KATNIP: variants seen among roughly 807,000 people sequenced by gnomAD.
The protein encoded by KATNIP is katanin interacting protein, also known as katanin-interacting protein.
KATNIP carries 126 observed loss-of-function variants against 174.0 expected under a neutral mutation model. The observed-to-expected ratio is 0.72, with a 90% CI of 0.63 to 0.84. KATNIP has a LOEUF of 0.84. KATNIP is among the 40% of genes least tolerant of loss of function. The pLI, the probability that KATNIP is intolerant of heterozygous loss-of-function variation, is 0.00. For synonymous variants in KATNIP, 810 were observed against 835.7 expected (o/e 0.97, Z 0.53); for missense variants, 1,958 against 2,109.7 (o/e 0.93, Z 1.41).
In KATNIP at chr16:27,736,492, C is replaced by T. The variant is rs187103730; in HGVS notation, c.1744-3549C>T. ...AGAGGGGACCGATGAGGTGGGGCTG[C>T]CCTAGAGGTGTGTTCACTGAAGGTC... is the stretch of plus-strand genomic sequence containing the variant. On this transcript the variant is annotated intron_variant, in intron 14 of 27. Transcript: ENST00000261588. 2.0e-5 allele frequency among the ~76,000 whole-genome samples: 3 copies of T among 152,306 alleles called. No individual in the cohort carries two copies. In the East Asian group the frequency reaches 5.8e-4, roughly 29 times the overall value.
At chr16:27,743,401 C>T (rs2081177498) in intron 15 of KATNIP, among the ~76,000 whole-genome samples, 1 of 152,158 alleles carries the variant, frequency 6.6e-6, no homozygotes, top group African/African-American at 2.4e-5. Flanking sequence ...CCTCAGACTC[C>T]AAGTGTTATC....
intron 2 of KATNIP, 165 bp downstream of exon 2, chr16:27,574,121 GTCACTTGTAATAA>G (rs548300888): frequency 3.4e-4 from 206 of 611,678 alleles, no homozygotes; most frequent in East Asian, 1.3e-3. Context: ...CCAACCCAGT[GTCACTTGTAATAA>G]TCACTTGTAA....
chr16:27,650,559 C>T (rs2077092189), intron 6 of KATNIP, among the ~76,000 whole-genome samples: 1 of 152,236 alleles, frequency 6.6e-6, no homozygotes, highest in African/African-American at 2.4e-5. Context: ...TCAGTGACGT[C>T]ACCGCAAAGG....
intron 6 of KATNIP, among the ~76,000 whole-genome samples, chr16:27,672,554 A>G (rs1046915140): frequency 6.6e-6 from 1 of 152,224 alleles, no homozygotes; most frequent in African/African-American, 2.4e-5. Flanking sequence ...ACCTAAGCAC[A>G]TGAGCATGCA....
At chr16:27,645,109 G>A (rs1181966210) in intron 5 of KATNIP, among the ~76,000 whole-genome samples, 1 of 152,182 alleles carries the variant, frequency 6.6e-6, no homozygotes, top group African/African-American at 2.4e-5. Flanking sequence ...CAGTTTCTCT[G>A]GTTCACTACC....
In KATNIP at chr16:27,766,480, C is replaced by T; in HGVS notation, c.3975+6C>T. 6.2e-7 allele frequency: 1 copy of T among 1,609,492 alleles called. No individual in the cohort carries two copies. Among genetic ancestry groups the T allele is most frequent in the Non-Finnish European group, 8.5e-7 (1 of 1,179,318 alleles). ...CCGAGGACACCTATCGCGGGGTAAG[C>T]TGGGGAGCAGTGGCCGTGCTCAGTC... On this transcript the variant is annotated splice_donor_region_variant and intron_variant, in intron 20 of 27. Coordinates refer to ENST00000261588, the MANE Select transcript of KATNIP (RefSeq NM_015202.5).
intron 22 of KATNIP, among the ~76,000 whole-genome samples, chr16:27,772,668 C>A (rs1446821469): frequency 6.6e-6 from 1 of 152,248 alleles, no homozygotes; most frequent in Non-Finnish European, 1.5e-5. Context: ...GTACTCTGTT[C>A]TTGTCATTTC....
intron 1 of KATNIP, among the ~76,000 whole-genome samples, chr16:27,558,365 G>A (rs1193096473): frequency 6.6e-6 from 1 of 152,002 alleles, no homozygotes; most frequent in African/African-American, 2.4e-5. Flanking sequence ...GGCTGGTTTC[G>A]AACTCCTGAC....
intron 2 of KATNIP, among the ~76,000 whole-genome samples, chr16:27,614,133 AG>A (rs928283882): frequency 3.3e-5 from 5 of 150,766 alleles, no homozygotes; most frequent in Admixed American, 1.3e-4. Context: ...GCTGGAGTGC[AG>A]TGGTGCTATC....
At chr16:27,759,937 GTTT>G (rs779234745) in intron 18 of KATNIP, among the ~76,000 whole-genome samples, 12 of 152,170 alleles carry the variant, frequency 7.9e-5, no homozygotes, top group Non-Finnish European at 1.6e-4. Context: ...CTGGCCACAT[GTTT>G]TTTTCATCTG....
intron 2 of KATNIP, among the ~76,000 whole-genome samples, chr16:27,617,016 A>G (rs1314794928): frequency 6.6e-6 from 1 of 151,712 alleles, no homozygotes; most frequent in African/African-American, 2.4e-5. Flanking sequence ...AGATATATAT[A>G]TCAAATTACA....
At chr16:27,717,308 CG>C (rs1321226759) in intron 13 of KATNIP, among the ~76,000 whole-genome samples, 3 of 152,136 alleles carry the variant, frequency 2.0e-5, no homozygotes, top group Non-Finnish European at 2.9e-5. Flanking sequence ...CTGAGGGCAG[CG>C]CAGTATCTCC....
At chr16:27,669,667 T>G (rs2142627580) in intron 6 of KATNIP, among the ~76,000 whole-genome samples, 1 of 152,206 alleles carries the variant, frequency 6.6e-6, no homozygotes, top group East Asian at 1.9e-4. Context: ...TGCTCCTTAG[T>G]TTGTCTCCCC....
intron 12 of KATNIP, among the ~76,000 whole-genome samples, chr16:27,707,952 A>G (rs1280703995): frequency 6.6e-6 from 1 of 151,810 alleles, no homozygotes; most frequent in Non-Finnish European, 1.5e-5. Context: ...CTCCAAATAC[A>G]GTCATATTCT....
intron 21 of KATNIP, 144 bp from the exon 22 acceptor site, chr16:27,771,444 G>A: frequency 1.5e-6 from 1 of 676,128 alleles, no homozygotes; most frequent in Non-Finnish European, 2.5e-6. Flanking sequence ...CACACGAGCA[G>A]GGGCCTCATC....
chr16:27,563,789 C>T (rs2089978825), intron 1 of KATNIP, among the ~76,000 whole-genome samples: 1 of 150,414 alleles, frequency 6.6e-6, no homozygotes, highest in South Asian at 2.1e-4. Context: ...TGGCTCATGC[C>T]TCTAATCCCA....
At chr16:27,669,386 C>G in intron 6 of KATNIP, 1 of 819,014 alleles carries the variant, frequency 1.2e-6, no homozygotes, top group Non-Finnish European at 1.5e-6. Flanking sequence ...TGTTGGCAGC[C>G]TGGCCTCCAT....
At position 27,740,292 on chromosome 16, in the gene KATNIP, A is replaced by G. The variant is rs1426184782; in HGVS notation, c.1995A>G (p.Thr665=). The G allele has an allele frequency of 6.2e-7, 1 of 1,614,260 alleles. No individual in the cohort carries two copies. Among genetic ancestry groups the G allele is most frequent in the Admixed American group, 1.7e-5 (1 of 60,030 alleles). ...TCGGTTGCTCACCGCCAGCTGAAACATTAGCGGATGCAAAGCTTTCTTCAC... is the reference window on the plus strand; with the variant it reads ...TCGGTTGCTCACCGCCAGCTGAAACGTTAGCGGATGCAAAGCTTTCTTCAC... The part of the protein sequence containing the change: ...LGLGCSPPAE[T]LADAKLSSQG... The change falls in exon 15 of 28, where the codon ACA becomes ACG. Residue 665 remains threonine, a synonymous_variant. Transcript: ENST00000261588.
intron 3 of KATNIP, among the ~76,000 whole-genome samples, chr16:27,627,364 T>C (rs968653418): frequency 9.9e-5 from 15 of 152,256 alleles, no homozygotes; most frequent in African/African-American, 3.6e-4. Context: ...GGCTGTGATA[T>C]GCCTTATGAA....
Sources: allele counts gnomAD v4.1 joint callset (sites outside exome capture counted in the v4.1 genomes callset), GRCh38; gene constraint gnomAD v4.1.1; transcripts MANE v1.5; gene names NCBI Gene and HGNC (gene_info 2026-07-23, HGNC 2026-07-21).